CRYBG1: variants seen among roughly 807,000 people sequenced by gnomAD.
CRYBG1 encodes crystallin beta-gamma domain containing 1, also known as beta/gamma crystallin domain-containing protein 1.
A neutral mutation model predicts 189.2 loss-of-function variants in CRYBG1; 139 were observed. The observed-to-expected ratio is 0.73, with a 90% CI of 0.64 to 0.85. The LOEUF (loss-of-function observed/expected upper bound fraction) is 0.85. Ranked by LOEUF, CRYBG1 falls within the 40% of genes least tolerant of loss-of-function variation. The probability of loss-of-function intolerance (pLI) is 0.00; values close to 1 mark genes in which losing one functional copy is unlikely to be tolerated. For synonymous variants in CRYBG1, 1,023 were observed against 1,017.1 expected, an observed-to-expected ratio of 1.01 and a Z score of -0.11; for missense variants, 2,611 against 2,675.8, an observed-to-expected ratio of 0.98 and a Z score of 0.53.
chr6:106,389,181 A>G (rs1436929938), intron 1 of CRYBG1, among the ~76,000 whole-genome samples: 1 of 151,880 alleles, frequency 6.6e-6, no homozygotes, highest in Non-Finnish European at 1.5e-5. Context: ...GCTTTTTGTT[A>G]TATGATTTCT....
intron 1 of CRYBG1, among the ~76,000 whole-genome samples, chr6:106,421,709 T>C (rs919571491): frequency 6.6e-6 from 1 of 152,150 alleles, no homozygotes; most frequent in Non-Finnish European, 1.5e-5. Flanking sequence ...ATTTTTGGCA[T>C]CCACAGCTGT....
At chr6:106,525,075 A>G in intron 4 of CRYBG1, 58 bp from the exon 5 acceptor site, 7 of 1,579,278 alleles carry the variant, frequency 4.4e-6, no homozygotes, top group Middle Eastern at 1.9e-4. Flanking sequence ...GGGTGGAAAA[A>G]GAGGATCGTT....
intron 1 of CRYBG1, among the ~76,000 whole-genome samples, chr6:106,429,831 C>T (rs1321990037): frequency 6.6e-6 from 1 of 152,214 alleles, no homozygotes; most frequent in African/African-American, 2.4e-5. Context: ...ATACTTAGCA[C>T]AGTGCTGGGG....
rs79727973 is a variant in CRYBG1 at position 106,379,251 on chromosome 6, T to C, written c.173+18170T>C. ...GTAAAGTAAAATAATAACCTTTGTT[T>C]TCCTTTCTTTTCTTTTCTTTTTTTT... On this transcript the variant is annotated intron_variant, in intron 1 of 21. Coordinates refer to ENST00000633556, the MANE Select transcript of CRYBG1 (RefSeq NM_001371242.2). Among the ~76,000 whole-genome samples the C allele has an allele frequency of 2.9e-3, 443 of 152,218 alleles. 24 individuals carry two copies. The East Asian group carries it at 0.07, about 24-fold the overall frequency.
intron 8 of CRYBG1, among the ~76,000 whole-genome samples, chr6:106,535,531 G>C (rs9480682): frequency 0.3 from 45,674 of 151,928 alleles, 7,185 homozygotes; most frequent in South Asian, 0.37. Context: ...CCCTGCATAA[G>C]TATCATTATT....
intron 8 of CRYBG1, among the ~76,000 whole-genome samples, chr6:106,536,244 C>T (rs527532840): frequency 2.0e-5 from 3 of 152,092 alleles, no homozygotes; most frequent in Non-Finnish European, 4.4e-5. Flanking sequence ...AGTTTTGGCA[C>T]GGATACTTCA....
intron 1 of CRYBG1, among the ~76,000 whole-genome samples, chr6:106,434,155 AG>A (rs1771407664): frequency 3.8e-5 from 1 of 26,038 alleles, no homozygotes; most frequent in Non-Finnish European, 6.0e-5. Flanking sequence ...AGAGAGAAAG[AG>A]AGAGAGAGAG....
At chr6:106,503,848 TAATTATA>T (rs1184405933) in intron 2 of CRYBG1, among the ~76,000 whole-genome samples, 3 of 152,094 alleles carry the variant, frequency 2.0e-5, no homozygotes, top group African/African-American at 4.8e-5. Context: ...AATGAAATTA[TAATTATA>T]AATTATAAAT....
At chr6:106,428,457 T>C (rs1288114240) in intron 1 of CRYBG1, among the ~76,000 whole-genome samples, 2 of 152,142 alleles carry the variant, frequency 1.3e-5, no homozygotes, top group Non-Finnish European at 2.9e-5. Flanking sequence ...GAAGGCAGTA[T>C]ACTCATGTGA....
At chr6:106,556,652 G>A (rs956842831) in intron 17 of CRYBG1, among the ~76,000 whole-genome samples, 1 of 152,154 alleles carries the variant, frequency 6.6e-6, no homozygotes, top group African/African-American at 2.4e-5. Context: ...ATTAAAGTCT[G>A]GAAGTATCTG....
In CRYBG1 at chr6:106,383,255, G is replaced by T. The variant is rs548280478; in HGVS notation, c.173+22174G>T. Among the ~76,000 whole-genome samples the T allele has an allele frequency of 6.6e-5, 10 of 152,242 alleles. No homozygotes were observed. The East Asian group carries it at 1.9e-3, about 29-fold the overall frequency. On this transcript the variant is annotated intron_variant, in intron 1 of 21. Transcript: ENST00000633556. ...TCTGTTCCTCTAGAAATTCAAATTT[G>T]ACAGATCTGAGGTCTGCATCTTAAC... is the stretch of plus-strand genomic sequence containing the variant.
rs1771786857 is a variant in CRYBG1, at chr6:106,451,832, G to T, written c.312G>T (p.Lys104Asn). The T allele has an allele frequency of 6.5e-7, 1 of 1,532,076 alleles. No homozygotes were observed. The highest frequency in any genetic ancestry group is 8.7e-7 in the Non-Finnish European group (1 of 1,144,980). 94.9% of individuals were successfully genotyped at this position (1,532,076 alleles called of 1,614,324 possible). A position where few individuals can be genotyped will look rare whatever the true frequency, so the allele number is the denominator to read the frequency against. ...TTCTAGAGTCTGGAATATTTAAAAA[G>T]GTAATGCTTCATTTCTAATGTTTGA... ...SLLLESGIFK[K>N]SRAQPPEDNR... is the part of the protein sequence containing the mutation. The change falls in exon 2 of 22, where the codon AAG becomes AAT. Residue 104 changes from lysine (K) to asparagine (N), a missense_variant and splice_region_variant. Physicochemically the swap from Lys to Asn is moderately conservative, Grantham distance 94. Around this residue, in one of 3 missense-constraint regions of CRYBG1, gnomAD observed 985 missense variants for 924.4 expected, o/e 1.07. Coordinates refer to ENST00000633556, the MANE Select transcript of CRYBG1 (RefSeq NM_001371242.2).
At chr6:106,563,286 AT>A (rs1321259595) in intron 20 of CRYBG1, among the ~76,000 whole-genome samples, 1 of 152,202 alleles carries the variant, frequency 6.6e-6, no homozygotes, top group African/African-American at 2.4e-5. Flanking sequence ...GGAAAGACAA[AT>A]GCTAATAAAT....
intron 8 of CRYBG1, among the ~76,000 whole-genome samples, chr6:106,532,272 A>G (rs1773894602): frequency 6.6e-6 from 1 of 152,196 alleles, no homozygotes; most frequent in Admixed American, 6.5e-5. Context: ...ATTCTATTAT[A>G]TATTTTTACC....
chr6:106,520,649 T>C lies in CRYBG1; in HGVS notation c.3441T>C (p.His1147=), dbSNP rs1161539387. 1.9e-6 allele frequency: 3 copies of C among 1,614,132 alleles called. No individual in the cohort carries two copies. Among genetic ancestry groups the C allele is most frequent in the Non-Finnish European group, 2.5e-6 (3 of 1,180,024 alleles). Residue 1147 remains histidine (H), a synonymous_variant, in exon 4 of 22, where the codon CAT becomes CAC. Transcript: ENST00000633556. ...CCATGCCTCCTATTCACGAAGACCA[T>C]TTAGAAAAGGTGTTTGATCCCAAAG... ...HFAMPPIHED[H]LEKVFDPKVF...
Position 106,520,458 on chromosome 6 carries a change from C to G in CRYBG1, c.3250C>G (p.Pro1084Ala), listed in dbSNP as rs746469912. The change falls in exon 4 of 22, where the codon CCT (proline) becomes GCT (alanine). Residue 1084 changes from proline (P) to alanine (A), a missense_variant. Coordinates refer to ENST00000633556, the MANE Select transcript of CRYBG1 (RefSeq NM_001371242.2). ...DQTVTNGQDS[P>A]ASLLNISAGS... The stretch of plus-strand genomic sequence containing the variant: ...GACTGTTACAAATGGCCAGGATAGC[C>G]CTGCCAGCCTTTTGAACATTTCTGC... 1.5e-5 allele frequency: 25 copies of G among 1,614,008 alleles called. No individual in the cohort carries two copies. The highest frequency in any genetic ancestry group is 2.0e-5 in the Non-Finnish European group (24 of 1,180,020).
chr6:106,422,432 A>C (rs570219178), intron 1 of CRYBG1, among the ~76,000 whole-genome samples: 1 of 151,768 alleles, frequency 6.6e-6, no homozygotes, highest in East Asian at 1.9e-4. Flanking sequence ...CCCCAAGCTC[A>C]GGTGATCCTG....
intron 1 of CRYBG1, among the ~76,000 whole-genome samples, chr6:106,362,301 C>A (rs1242709344): frequency 6.6e-6 from 1 of 152,030 alleles, no homozygotes; most frequent in Non-Finnish European, 1.5e-5. Context: ...GTCAATTTTA[C>A]GATCTATTTT....
At chr6:106,376,380 C>A (rs1323126597) in intron 1 of CRYBG1, among the ~76,000 whole-genome samples, 1 of 152,158 alleles carries the variant, frequency 6.6e-6, no homozygotes, top group African/African-American at 2.4e-5. Flanking sequence ...TTTTTCCAGA[C>A]CCACTCTCCA....
Sources: gnomAD v4.1 joint callset for allele counts (sites outside exome capture counted in the v4.1 genomes callset) on GRCh38, gnomAD v4.1.1 for gene constraint, gnomAD v4.1.1 regional missense constraint, MANE v1.5 for transcripts, NCBI Gene and HGNC (gene_info 2026-07-23, HGNC 2026-07-21) for gene names.